Variants in CCDC150 observed in about 807,000 individuals in gnomAD.
CCDC150 encodes coiled-coil domain containing 150, also known as coiled-coil domain-containing protein 150.
Under a neutral mutation model 156.5 loss-of-function variants are expected in CCDC150, and 151 were observed. That is an observed-to-expected ratio of 0.97 (90% confidence interval 0.85 to 1.10). The LOEUF is 1.10. CCDC150 is among the 50% of genes least tolerant of loss of function. CCDC150 has a pLI of 0.00. For synonymous variants in CCDC150, 452 were observed against 429.4 expected, an observed-to-expected ratio of 1.05 and a Z score of -0.65; for missense variants, 1,312 against 1,268.1, an observed-to-expected ratio of 1.03 and a Z score of -0.53.
At position 196,646,373 on chromosome 2, in the gene CCDC150, C is replaced by T. The variant is rs369386644; in HGVS notation, c.45C>T (p.Val15=). The T allele has an allele frequency of 5.1e-5, 82 of 1,613,702 alleles. No individual in the cohort carries two copies. The highest frequency in any genetic ancestry group is 6.5e-5 in the Non-Finnish European group (77 of 1,179,748). Residue 15 remains valine, a synonymous_variant, in exon 2 of 28, where the codon GTC becomes GTT. Coordinates refer to ENST00000389175, the MANE Select transcript of CCDC150 (RefSeq NM_001080539.2). ...TGGAAACTACAGTGTCCAGACCGGT[C>T]CTTTCTCCAACCCACATCAACGCTA... ...VHMETTVSRP[V]LSPTHINATA... is the part of the protein sequence containing the mutation.
intron 21 of CCDC150, among the ~76,000 whole-genome samples, chr2:196,725,015 G>C (rs1559279392): frequency 6.6e-6 from 1 of 152,176 alleles, no homozygotes; most frequent in Admixed American, 6.5e-5. Context: ...GTTACCACCT[G>C]CAAGTCTCAT....
intron 13 of CCDC150, among the ~76,000 whole-genome samples, chr2:196,685,729 A>G (rs966688463): frequency 6.6e-6 from 1 of 151,294 alleles, no homozygotes; most frequent in African/African-American, 2.4e-5. Context: ...CTCCTGCCTC[A>G]GCCTCCCAAG....
intron 13 of CCDC150, among the ~76,000 whole-genome samples, chr2:196,693,662 A>G (rs1412736383): frequency 6.6e-6 from 1 of 152,140 alleles, no homozygotes; most frequent in Non-Finnish European, 1.5e-5. Flanking sequence ...CGCACCAGCT[A>G]TGGCCTCCTG....
chr2:196,639,890 C>A (rs1355163813), intron 1 of CCDC150, 112 bp downstream of exon 1: 6 of 946,576 alleles, frequency 6.3e-6, no homozygotes, highest in Non-Finnish European at 8.8e-6. Flanking sequence ...CTGACGGAGT[C>A]CAGTCTCACT....
intron 7 of CCDC150, 162 bp downstream of exon 7, chr2:196,667,010 A>G: frequency 7.3e-6 from 5 of 687,606 alleles, no homozygotes; most frequent in African/African-American, 1.8e-5. Flanking sequence ...CAGTACTGAG[A>G]TACAGAAGGA....
At chr2:196,697,954 T>C (rs1449589948) in intron 14 of CCDC150, among the ~76,000 whole-genome samples, 1 of 152,228 alleles carries the variant, frequency 6.6e-6, no homozygotes, top group East Asian at 1.9e-4. Context: ...TGAGTTAAAA[T>C]GGATATTCTA....
At chr2:196,720,012 T>TA (rs1188974532) in intron 19 of CCDC150, among the ~76,000 whole-genome samples, 1 of 152,214 alleles carries the variant, frequency 6.6e-6, no homozygotes, top group Non-Finnish European at 1.5e-5. Flanking sequence ...TAATTGAAAC[T>TA]AAGTACATAC....
At chr2:196,718,092 T>C (rs944937038) in intron 17 of CCDC150, among the ~76,000 whole-genome samples, 1 of 152,262 alleles carries the variant, frequency 6.6e-6, no homozygotes, top group African/African-American at 2.4e-5. Flanking sequence ...GGATTCATTC[T>C]GCTGTAACAC....
intron 2 of CCDC150, among the ~76,000 whole-genome samples, chr2:196,647,565 T>C (rs764524013): frequency 1.3e-5 from 2 of 152,112 alleles, no homozygotes; most frequent in Non-Finnish European, 2.9e-5. Flanking sequence ...ATATTTAAAA[T>C]TGGAGTGGTT....
At chr2:196,658,516 A>G (rs769487126) in intron 4 of CCDC150, among the ~76,000 whole-genome samples, 2 of 152,204 alleles carry the variant, frequency 1.3e-5, no homozygotes, top group Non-Finnish European at 2.9e-5. Context: ...ACCTCTAATT[A>G]TTGAATTTTA....
intron 15 of CCDC150, 70 bp downstream of exon 15, chr2:196,701,250 T>C (rs1429010243): frequency 2.8e-6 from 3 of 1,077,204 alleles, no homozygotes; most frequent in Admixed American, 2.2e-5. Context: ...TAAATATTGC[T>C]AGATTTTGAG....
intron 13 of CCDC150, among the ~76,000 whole-genome samples, chr2:196,691,691 C>G (rs1181184525): frequency 6.6e-6 from 1 of 151,906 alleles, no homozygotes; most frequent in East Asian, 1.9e-4. Context: ...GCCTGTAATC[C>G]CAGCACTTTG....
intron 1 of CCDC150, among the ~76,000 whole-genome samples, chr2:196,641,835 A>G (rs1402008620): frequency 1.3e-5 from 2 of 152,206 alleles, no homozygotes; most frequent in African/African-American, 4.8e-5. Flanking sequence ...TTTGGAACCA[A>G]CAGCATGTAC....
At position 196,719,520 on chromosome 2, in the gene CCDC150, G is replaced by T. The variant is rs374646611; in HGVS notation, c.2019G>T (p.Leu673Phe). The change falls in exon 19 of 28, where the codon TTG (leucine) becomes TTT (phenylalanine). Residue 673 changes from leucine to phenylalanine, a missense_variant. Physicochemically the swap from Leu to Phe is conservative, Grantham distance 22. Coordinates refer to ENST00000389175, the MANE Select transcript of CCDC150 (RefSeq NM_001080539.2). ...AGGTGGGAAACTTTCAGCGACAATT[G>T]GCAGAAGCTAAAGAAGACAACTGCA... Reference protein sequence around the residue: ...NKKVGNFQRQLAEAKEDNCKV... With the variant: ...NKKVGNFQRQFAEAKEDNCKV... 9.3e-6 allele frequency: 15 copies of T among 1,609,826 alleles called. No individual in the cohort carries two copies. Among genetic ancestry groups the T allele is most frequent in the Non-Finnish European group, 1.2e-5 (14 of 1,178,490 alleles).
intron 14 of CCDC150, among the ~76,000 whole-genome samples, chr2:196,700,703 A>G (rs1232045114): frequency 2.0e-5 from 3 of 152,218 alleles, no homozygotes. Context: ...ATGGTAAGTG[A>G]GGTGCCTTCT....
intron 14 of CCDC150, among the ~76,000 whole-genome samples, chr2:196,699,731 A>T (rs1696077798): frequency 6.6e-6 from 1 of 152,094 alleles, no homozygotes; most frequent in Non-Finnish European, 1.5e-5. Flanking sequence ...TGTTGACCAG[A>T]CTGGTCTTGA....
chr2:196,693,768 G>A (rs960130135), intron 13 of CCDC150, among the ~76,000 whole-genome samples: 3 of 152,074 alleles, frequency 2.0e-5, no homozygotes, highest in African/African-American at 7.2e-5. Flanking sequence ...ATTAGCTGTA[G>A]GATTTTTATG....
In CCDC150 at chr2:196,732,605, T is replaced by A; in HGVS notation, c.*43T>A. Reference sequence around the variant, plus strand: ...CTTCTTTATGTGTAGCTACACTCCATGATTCCAAGAGCCCAGCAGCCGGGG... The same window carrying A: ...CTTCTTTATGTGTAGCTACACTCCAAGATTCCAAGAGCCCAGCAGCCGGGG... On this transcript the variant is annotated 3_prime_UTR_variant, in exon 28 of 28. Transcript: ENST00000389175. The A allele has an allele frequency of 7.5e-7, 1 of 1,325,930 alleles. No individual in the cohort carries two copies. Among genetic ancestry groups the A allele is most frequent in the Non-Finnish European group, 1.1e-6 (1 of 919,320 alleles). 82.1% of individuals were successfully genotyped at this position (1,325,930 alleles called of 1,614,324 possible).
Position 196,695,094 on chromosome 2 carries a change from A to C in CCDC150, c.1558A>C (p.Asn520His). ...THNLQTLEEE[N>H]KHLADQMASL... ...TAACCTGCAGACTCTTGAAGAAGAG[A>C]ATAAGCACCTGGCAGATCAAATGGC... Residue 520 changes from asparagine (N) to histidine (H), a missense_variant, in exon 14 of 28, where the codon AAT becomes CAT. Transcript: ENST00000389175. The C allele has an allele frequency of 6.2e-7, 1 of 1,612,976 alleles. No homozygotes were observed. The highest frequency in any genetic ancestry group is 2.2e-5 in the East Asian group (1 of 44,844).
Sources: allele counts gnomAD v4.1 joint callset (sites outside exome capture counted in the v4.1 genomes callset), GRCh38; gene constraint gnomAD v4.1.1; transcripts MANE v1.5; gene names NCBI Gene and HGNC (gene_info 2026-07-23, HGNC 2026-07-21).